The following DNAH14 variants were observed in gnomAD, a reference collection of about 807,000 sequenced individuals.
The protein encoded by DNAH14 is dynein axonemal heavy chain 14.
DNAH14 carries 478 observed loss-of-function variants against 520.9 expected under a neutral mutation model. That is an observed-to-expected ratio of 0.92 (90% confidence interval 0.85 to 0.99). DNAH14 has a LOEUF of 0.99. DNAH14 is among the 50% of genes least tolerant of loss of function. The pLI is 0.00. For synonymous variants in DNAH14, 1,581 were observed against 1,757.2 expected (o/e 0.90, Z 2.51); for missense variants, 4,831 against 5,234.5 (o/e 0.92, Z 2.38).
At chr1:225,015,717 A>G (rs1222442491) in intron 10 of DNAH14, among the ~76,000 whole-genome samples, 1 of 152,264 alleles carries the variant, frequency 6.6e-6, no homozygotes, top group East Asian at 1.9e-4. Context: ...TAATAATCAA[A>G]TGATATAATA....
intron 26 of DNAH14, among the ~76,000 whole-genome samples, chr1:225,120,884 C>T (rs931303511): frequency 6.6e-6 from 1 of 152,160 alleles, no homozygotes; most frequent in Non-Finnish European, 1.5e-5. Context: ...CAATGATAGT[C>T]CTATCTCTTC....
At chr1:225,127,100 C>T (rs1288406964) in intron 27 of DNAH14, among the ~76,000 whole-genome samples, 2 of 149,806 alleles carry the variant, frequency 1.3e-5, no homozygotes, top group Admixed American at 6.7e-5. Flanking sequence ...TGTTCTTTTA[C>T]ATTTGCTGAG....
chr1:224,944,401 G>C (rs1403540904), intron 1 of DNAH14, among the ~76,000 whole-genome samples: 3 of 152,050 alleles, frequency 2.0e-5, no homozygotes, highest in African/African-American at 7.2e-5. Context: ...ACGTGAGATG[G>C]GTTTCCTGAA....
chr1:225,367,824 A>G lies in DNAH14; in HGVS notation c.12110A>G (p.Gln4037Arg), dbSNP rs2095572619. Residue 4037 changes from glutamine to arginine, a missense_variant, in exon 77 of 86, where the codon CAG becomes CGG. By Grantham distance (43) the Gln-to-Arg change is conservative. Transcript: ENST00000682510. ...KGLKIAVESP[Q>R]GLKSNLLQTF... ...TTCAAGATTGCCGTGGAATCTCCCC[A>G]GGGATTGAAAAGTAACTTACTTCAG... is the stretch of plus-strand genomic sequence containing the variant. 1.3e-6 allele frequency: 2 copies of G among 1,551,246 alleles called. No homozygotes were observed. Among genetic ancestry groups the G allele is most frequent in the Non-Finnish European group, 8.7e-7 (1 of 1,146,600 alleles).
intron 26 of DNAH14, among the ~76,000 whole-genome samples, chr1:225,122,779 G>C (rs903156790): frequency 2.0e-5 from 3 of 151,836 alleles, no homozygotes; most frequent in Non-Finnish European, 2.9e-5. Context: ...CATCAGCAAT[G>C]ATAAAAAAAC....
intron 8 of DNAH14, among the ~76,000 whole-genome samples, chr1:224,981,127 G>C (rs572090620): frequency 6.6e-6 from 1 of 152,160 alleles, no homozygotes; most frequent in African/African-American, 2.4e-5. Context: ...TGCATCCCTG[G>C]TATGAAACCC....
intron 8 of DNAH14, among the ~76,000 whole-genome samples, chr1:224,983,255 A>G (rs2062397611): frequency 1.3e-5 from 2 of 152,266 alleles, no homozygotes; most frequent in East Asian, 1.9e-4. Flanking sequence ...TTTGTCTGAT[A>G]TAAGAATAGC....
chr1:224,980,846 G>A (rs561969164), intron 8 of DNAH14, among the ~76,000 whole-genome samples: 7 of 152,190 alleles, frequency 4.6e-5, no homozygotes, highest in Admixed American at 3.3e-4. Flanking sequence ...AGCTCCATGT[G>A]GGGGGCTATG....
intron 21 of DNAH14, among the ~76,000 whole-genome samples, chr1:225,094,696 A>G (rs2074771999): frequency 7.7e-6 from 1 of 129,056 alleles, no homozygotes; most frequent in Non-Finnish European, 1.5e-5. Flanking sequence ...ACAAACAAAC[A>G]AAAAAACGCT....
At position 225,043,801 on chromosome 1, in the gene DNAH14, A is replaced by G. The variant is rs1277427282; in HGVS notation, c.1814+12A>G. The G allele has an allele frequency of 2.1e-6, 3 of 1,460,722 alleles. No homozygotes were observed. The highest frequency in any genetic ancestry group is 2.8e-6 in the Non-Finnish European group (3 of 1,068,948). 90.5% of individuals were successfully genotyped at this position (1,460,722 alleles called of 1,614,324 possible). A position where few individuals can be genotyped will look rare whatever the true frequency, so the allele number is the denominator to read the frequency against. ...TACATGTATTATGAGTAAGTATTAG[A>G]CATTTTAAAAATTACGAGTAATTGT... On this transcript the variant is annotated intron_variant, in intron 14 of 85. Coordinates refer to ENST00000682510, the MANE Select transcript of DNAH14 (RefSeq NM_001367479.1).
chr1:224,951,461 C>T lies in DNAH14; in HGVS notation c.-33-1209C>T, dbSNP rs112732681. On this transcript the variant is annotated intron_variant, in intron 1 of 85. Coordinates refer to ENST00000682510, the MANE Select transcript of DNAH14 (RefSeq NM_001367479.1). Reference sequence around the variant, plus strand: ...AGGCTCTGTTTTTTCATCTTATCTCCAGTTATGGTCAAAGTTGTATCCTTC... The same window carrying T: ...AGGCTCTGTTTTTTCATCTTATCTCTAGTTATGGTCAAAGTTGTATCCTTC... Among the ~76,000 whole-genome samples, 415 of 151,676 alleles carry T rather than the reference C, an allele frequency of 2.7e-3. 3 individuals are homozygous for T. Among genetic ancestry groups the T allele is most frequent in the African/African-American group, 9.4e-3 (389 of 41,358 alleles).
chr1:225,340,406 T>C, intron 68 of DNAH14, 51 bp from the exon 69 acceptor site: 1 of 1,466,322 alleles, frequency 6.8e-7, no homozygotes, highest in Non-Finnish European at 9.1e-7. Flanking sequence ...AATTGGTTCA[T>C]TTTTTTCTTC....
At chr1:225,345,864 C>A in intron 69 of DNAH14, 98 bp from the exon 70 acceptor site, 1 of 982,642 alleles carries the variant, frequency 1.0e-6, no homozygotes, top group Non-Finnish European at 1.5e-6. Flanking sequence ...AATAAGAAGC[C>A]AACAGTACAA....
intron 4 of DNAH14, among the ~76,000 whole-genome samples, chr1:224,964,171 G>C (rs2061010981): frequency 6.6e-6 from 1 of 152,098 alleles, no homozygotes; most frequent in Non-Finnish European, 1.5e-5. Context: ...CCCTACCCCA[G>C]CTTAGGCATT....
At chr1:225,041,387 C>CTTGTTTGTGGCTATTCCTT (rs2148210889) in intron 12 of DNAH14, among the ~76,000 whole-genome samples, 1 of 152,274 alleles carries the variant, frequency 6.6e-6, no homozygotes, top group East Asian at 1.9e-4. Flanking sequence ...GGCTATTCCT[C>CTTGTTTGTGGCTATTCCTT]TCTTGTAGTT....
At chr1:225,277,125 C>T (rs1452267852) in intron 53 of DNAH14, among the ~76,000 whole-genome samples, 5 of 25,062 alleles carry the variant, frequency 2.0e-4, no homozygotes, top group African/African-American at 5.6e-4. Flanking sequence ...GGGAGGGGGA[C>T]GGGGAAGGGG....
chr1:225,384,861 CT>C (rs1442212689), intron 81 of DNAH14, among the ~76,000 whole-genome samples: 3 of 152,154 alleles, frequency 2.0e-5, no homozygotes, highest in Admixed American at 6.5e-5. Context: ...AGAGGGAATC[CT>C]CCCTAATTCA....
At chr1:225,260,267 G>A (rs1413526050) in intron 46 of DNAH14, among the ~76,000 whole-genome samples, 3 of 151,518 alleles carry the variant, frequency 2.0e-5, no homozygotes, top group African/African-American at 4.9e-5. Flanking sequence ...CAGGAGAGTC[G>A]CTTGAACTCA....
intron 69 of DNAH14, among the ~76,000 whole-genome samples, chr1:225,344,839 C>A (rs2095262501): frequency 6.6e-6 from 1 of 152,084 alleles, no homozygotes; most frequent in Non-Finnish European, 1.5e-5. Flanking sequence ...CTCAGCCTCC[C>A]AAGTAGCTGG....
Sources: allele counts gnomAD v4.1 joint callset (sites outside exome capture counted in the v4.1 genomes callset), GRCh38; gene constraint gnomAD v4.1.1; transcripts MANE v1.5; gene names NCBI Gene and HGNC (gene_info 2026-07-23, HGNC 2026-07-21).